The following RNF212B variants were observed in gnomAD, a reference collection of about 807,000 sequenced individuals.
The protein encoded by RNF212B is ring finger protein 212B.
In RNF212B, 52 loss-of-function variants were observed where a neutral mutation model predicts 55.5. The observed-to-expected ratio is 0.94, with a 90% CI of 0.75 to 1.18. The LOEUF (loss-of-function observed/expected upper bound fraction) is 1.18, where lower values mean the gene tolerates loss of function less well. Among genes scored for constraint, RNF212B ranks in the 50% most tolerant of loss-of-function variants. The probability of loss-of-function intolerance (pLI) is 0.00; values close to 1 mark genes in which losing one functional copy is unlikely to be tolerated. For missense variants in RNF212B, 289 were observed against 350.4 expected (o/e 0.82, Z 1.40); for synonymous variants, 99 against 121.4 (o/e 0.82, Z 1.21).
At chr14:23,259,503 G>A (rs73602441) in intron 5 of RNF212B, 2,457 of 138,444 alleles carry the variant, frequency 0.018, 76 homozygotes, top group African/African-American at 0.065. Flanking sequence ...AACTTTCTTT[G>A]GGGGCTATGT....
chr14:23,206,352 C>T (rs973314110), intron 2 of RNF212B, among the ~76,000 whole-genome samples: 1 of 152,186 alleles, frequency 6.6e-6, no homozygotes, highest in Non-Finnish European at 1.5e-5. Context: ...GGATTACAGG[C>T]GTGAGCCACC....
At chr14:23,262,879 G>GGC (rs1374462397) in intron 8 of RNF212B, 49 bp from the exon 9 acceptor site, 8 of 1,531,694 alleles carry the variant, frequency 5.2e-6, no homozygotes, top group Non-Finnish European at 7.1e-6. Context: ...AGGCAAGGCA[G>GGC]GCATACCATT....
intron 2 of RNF212B, among the ~76,000 whole-genome samples, chr14:23,202,421 T>A (rs1879389580): frequency 6.6e-6 from 1 of 152,218 alleles, no homozygotes; most frequent in African/African-American, 2.4e-5. Context: ...ATCTTTGATC[T>A]TATGTGCCCA....
intron 4 of RNF212B, among the ~76,000 whole-genome samples, chr14:23,251,352 A>G (rs561563140): frequency 6.6e-6 from 1 of 152,212 alleles, no homozygotes; most frequent in Non-Finnish European, 1.5e-5. Flanking sequence ...CCGACTCTGG[A>G]CACCAGCCAC....
chr14:23,217,534 G>T (rs564551694), intron 2 of RNF212B, among the ~76,000 whole-genome samples: 2 of 152,228 alleles, frequency 1.3e-5, no homozygotes, highest in Admixed American at 1.3e-4. Flanking sequence ...TGCTTGCATC[G>T]CCACACCCAC....
At chr14:23,242,787 A>G (rs1883693352) in intron 2 of RNF212B, among the ~76,000 whole-genome samples, 1 of 151,998 alleles carries the variant, frequency 6.6e-6, no homozygotes, top group South Asian at 2.1e-4. Context: ...CAGCTTGAGC[A>G]ACATAGGGAG....
chr14:23,259,754 A>T, intron 5 of RNF212B, 130 bp from the exon 6 acceptor site: 1 of 462,022 alleles, frequency 2.2e-6, no homozygotes, highest in East Asian at 3.6e-5. Context: ...CAAATCCCTG[A>T]TAGAAATAGC....
At chr14:23,243,373 A>G in intron 3 of RNF212B, 65 bp downstream of exon 3, 1 of 1,316,168 alleles carries the variant, frequency 7.6e-7, no homozygotes, top group Non-Finnish European at 1.1e-6. Context: ...AAGTATATAC[A>G]AAGTACAGAT....
intron 2 of RNF212B, among the ~76,000 whole-genome samples, chr14:23,212,508 G>C (rs1301927428): frequency 3.9e-5 from 6 of 152,138 alleles, no homozygotes; most frequent in African/African-American, 1.4e-4. Context: ...AAAATCAGTT[G>C]TACTTCTACA....
intron 2 of RNF212B, chr14:23,229,962 TATAG>T (rs1882424735): frequency 5.0e-6 from 1 of 201,880 alleles, no homozygotes; most frequent in Non-Finnish European, 1.1e-5. Flanking sequence ...CACAATTCCT[TATAG>T]ATCCAGCTTG....
chr14:23,201,780 G>A lies in RNF212B; in HGVS notation c.-2+8379G>A, dbSNP rs117242259. Among the ~76,000 whole-genome samples, 69 of 152,278 alleles carry A rather than the reference G, an allele frequency of 4.5e-4. 1 individual carries two copies. The East Asian group carries it at 0.012, about 27-fold the overall frequency. On this transcript the variant is annotated intron_variant, in intron 2 of 15. Coordinates refer to the RNF212B transcript ENST00000399910. ...TGGTAATTCAAGGATTTCAAAAATA[G>A]TGAAAACCTTCATTTATTGAGAGAG...
intron 4 of RNF212B, among the ~76,000 whole-genome samples, chr14:23,257,168 A>G (rs1305766776): frequency 1.3e-5 from 2 of 150,998 alleles, no homozygotes; most frequent in East Asian, 3.9e-4. Context: ...CACAAAAAAA[A>G]TAAAATAAAA....
chr14:23,218,502 CAG>C (rs997694485), intron 2 of RNF212B, among the ~76,000 whole-genome samples: 6 of 151,432 alleles, frequency 4.0e-5, no homozygotes, highest in African/African-American at 1.5e-4. Flanking sequence ...TTTGAAAATA[CAG>C]AGTCAGAGAA....
At chr14:23,244,227 C>A in intron 3 of RNF212B, 95 bp from the exon 4 acceptor site, 1 of 665,662 alleles carries the variant, frequency 1.5e-6, no homozygotes, top group Non-Finnish European at 2.5e-6. Context: ...ATGTCAGGTA[C>A]ATTAGAAAAG....
At chr14:23,229,463 C>T (rs186158027) in intron 2 of RNF212B, among the ~76,000 whole-genome samples, 70 of 151,690 alleles carry the variant, frequency 4.6e-4, no homozygotes, top group African/African-American at 1.7e-3. Context: ...GAGGAGCCAC[C>T]AAATTGCTTT....
intron 4 of RNF212B, among the ~76,000 whole-genome samples, chr14:23,257,770 C>A (rs1452543697): frequency 6.6e-6 from 1 of 152,228 alleles, no homozygotes; most frequent in South Asian, 2.1e-4. Context: ...AAAAAAAATT[C>A]AAGCATAGGT....
upstream of RNF212B, among the ~76,000 whole-genome samples, chr14:23,234,794 A>G (rs1049117671): frequency 1.3e-5 from 2 of 152,270 alleles, no homozygotes; most frequent in Non-Finnish European, 2.9e-5. Flanking sequence ...AATTAAGATT[A>G]CTCAGGCATG....
At chr14:23,238,564 C>G (rs1490326784) in intron 1 of RNF212B, among the ~76,000 whole-genome samples, 1 of 151,252 alleles carries the variant, frequency 6.6e-6, no homozygotes, top group Non-Finnish European at 1.5e-5. Flanking sequence ...CTTGTCTCTA[C>G]AAAAAATAAA....
At chr14:23,252,920 C>G (rs1162378338) in intron 4 of RNF212B, among the ~76,000 whole-genome samples, 1 of 152,054 alleles carries the variant, frequency 6.6e-6, no homozygotes, top group African/African-American at 2.4e-5. Flanking sequence ...CCAAGTGCAG[C>G]CTGATTAATG....
Sources: gnomAD v4.1 joint callset for allele counts (sites outside exome capture counted in the v4.1 genomes callset) on GRCh38, gnomAD v4.1.1 for gene constraint, MANE v1.5 for transcripts, NCBI Gene and HGNC (gene_info 2026-07-23, HGNC 2026-07-21) for gene names.